Variants in FAM167A observed in about 807,000 individuals in gnomAD.
FAM167A encodes protein FAM167A.
In FAM167A, 23 loss-of-function variants were observed where a neutral mutation model predicts 14.9. That is an observed-to-expected ratio of 1.55 (90% CI 1.11 to 2.19). The LOEUF (loss-of-function observed/expected upper bound fraction) is 2.19. Among genes scored for constraint, FAM167A ranks in the 30% most tolerant of loss-of-function variants. FAM167A has a pLI of 0.00. For missense variants in FAM167A, 401 were observed against 281.5 expected (o/e 1.42, Z -3.04); for synonymous variants, 174 against 117.7 (o/e 1.48, Z -3.10).
At chr8:11,430,700 C>G (rs1381921652) in intron 2 of FAM167A, among the ~76,000 whole-genome samples, 1 of 152,064 alleles carries the variant, frequency 6.6e-6, no homozygotes, top group Non-Finnish European at 1.5e-5. Flanking sequence ...TTAAATGGGT[C>G]TGGAAGAGGA....
chr8:11,444,577 G>C lies in FAM167A; in HGVS notation c.-166C>G. Reference sequence around the variant, plus strand: ...AGAGGCTGGGTGGCAGGGGAGCTGAGAGGGACCGCGCAGTGAGCCGCACAG... The same window carrying C: ...AGAGGCTGGGTGGCAGGGGAGCTGACAGGGACCGCGCAGTGAGCCGCACAG... On this transcript the variant is annotated 5_prime_UTR_variant, in exon 2 of 3. Transcript: ENST00000284486. The C allele has an allele frequency of 6.9e-7, 1 of 1,442,188 alleles. No individual in the cohort carries two copies. The allele number at this position is 1,442,188 out of a possible 1,614,324, so 89.3% of individuals were successfully genotyped here.
At chr8:11,458,579 A>C (rs1255262162) in intron 1 of FAM167A, among the ~76,000 whole-genome samples, 1 of 152,210 alleles carries the variant, frequency 6.6e-6, no homozygotes, top group Non-Finnish European at 1.5e-5. Flanking sequence ...TACTCTGGCA[A>C]TAGTGACTGG....
At chr8:11,436,571 C>T (rs530125839) in intron 2 of FAM167A, among the ~76,000 whole-genome samples, 3 of 152,330 alleles carry the variant, frequency 2.0e-5, no homozygotes, top group Admixed American at 2.0e-4. Context: ...ACAGGAGCTC[C>T]CCTGCACGGC....
chr8:11,457,144 T>C (rs1235084389), intron 1 of FAM167A, among the ~76,000 whole-genome samples: 1 of 136,374 alleles, frequency 7.3e-6, no homozygotes, highest in African/African-American at 2.8e-5. Flanking sequence ...GGGTTAGGGG[T>C]GTGGGTGGGA....
upstream of FAM167A, among the ~76,000 whole-genome samples, chr8:11,467,351 T>A (rs886836650): frequency 6.6e-6 from 1 of 152,248 alleles, no homozygotes; most frequent in Non-Finnish European, 1.5e-5. Flanking sequence ...TAAGACCCAG[T>A]CCCTGCTGCA....
intron 1 of FAM167A, among the ~76,000 whole-genome samples, chr8:11,474,004 G>A (rs1797791291): frequency 6.6e-6 from 1 of 152,094 alleles, no homozygotes; most frequent in African/African-American, 2.4e-5. Context: ...ATCCTGAGTA[G>A]CTGGGATTAC....
chr8:11,455,444 G>A lies in FAM167A; in HGVS notation c.-397-10636C>T, dbSNP rs1458440276. ...CTGCTGGGTGTGTGTGAGTGTGGGG[G>A]GTGGCTGCTCTGCTGGGTATGTGTG... On this transcript the variant is annotated intron_variant, in intron 1 of 2. Transcript: ENST00000284486. 2.2e-5 allele frequency among the ~76,000 whole-genome samples: 3 copies of A among 134,006 alleles called. No individual in the cohort carries two copies. The South Asian group carries it at 7.6e-4, about 34-fold the overall frequency. The allele number at this position is 134,006 out of a possible 152,430, so 87.9% of individuals were successfully genotyped here.
At chr8:11,435,197 C>T (rs1805924114) in intron 2 of FAM167A, 3 of 450,560 alleles carry the variant, frequency 6.7e-6, no homozygotes, top group Admixed American at 2.4e-5. Context: ...GAGGTTCTGT[C>T]CCCTCCCCTG....
chr8:11,443,939 G>A (rs1401658909), intron 2 of FAM167A, 92 bp downstream of exon 2: 12 of 1,422,754 alleles, frequency 8.4e-6, no homozygotes, highest in Non-Finnish European at 1.1e-5. Flanking sequence ...TACATGGTGG[G>A]GGTGGGGAGA....
intron 2 of FAM167A, among the ~76,000 whole-genome samples, chr8:11,433,204 TAAAAAAA>T (rs34636796): frequency 6.7e-6 from 1 of 150,346 alleles, no homozygotes; most frequent in African/African-American, 2.5e-5. Context: ...TAAAGTATGA[TAAAAAAA>T]AATAAAAAAT....
At chr8:11,425,580 G>C (rs1805078357) in intron 2 of FAM167A, among the ~76,000 whole-genome samples, 1 of 152,120 alleles carries the variant, frequency 6.6e-6, no homozygotes, top group East Asian at 1.9e-4. Flanking sequence ...GACTGAACAA[G>C]CCCGCTCTTC....
chr8:11,471,686 G>C (rs551913326), upstream of FAM167A, among the ~76,000 whole-genome samples: 2 of 152,330 alleles, frequency 1.3e-5, no homozygotes, highest in African/African-American at 4.8e-5. Context: ...CTGGGTTTTA[G>C]AGAACCCTGC....
chr8:11,442,639 G>A (rs969380699), intron 2 of FAM167A, among the ~76,000 whole-genome samples: 1 of 149,452 alleles, frequency 6.7e-6, no homozygotes, highest in Admixed American at 6.6e-5. Flanking sequence ...AAGAGCAGCT[G>A]GGGGCTGTGC....
At chr8:11,430,939 T>C (rs892857049) in intron 2 of FAM167A, among the ~76,000 whole-genome samples, 7 of 152,160 alleles carry the variant, frequency 4.6e-5, no homozygotes, top group Non-Finnish European at 1.0e-4. Context: ...AAGAGCTGAC[T>C]CCTACCCTCG....
At chr8:11,458,426 T>C (rs1331294963) in intron 1 of FAM167A, among the ~76,000 whole-genome samples, 1 of 152,190 alleles carries the variant, frequency 6.6e-6, no homozygotes, top group African/African-American at 2.4e-5. Context: ...AACAGATCTA[T>C]CTTTTTCCAG....
At chr8:11,461,281 G>A (rs191587369) in intron 1 of FAM167A, among the ~76,000 whole-genome samples, 12 of 152,366 alleles carry the variant, frequency 7.9e-5, no homozygotes, top group Non-Finnish European at 1.5e-4. Flanking sequence ...ACAGTTTGGA[G>A]GAGATGGGGA....
rs773953753 is a variant in FAM167A at position 11,424,648 on chromosome 8, G to A, written c.382-12C>T. 3.1e-6 allele frequency: 5 copies of A among 1,612,526 alleles called. No individual in the cohort carries two copies. The highest frequency in any genetic ancestry group is 3.4e-6 in the Non-Finnish European group (4 of 1,179,494). Reference sequence around the variant, plus strand: ...AGCCGCATCTCCGTCTGGAAGGGAGGGGGAGCAGGCAGGGTCAGCAGAGAG... The same window carrying A: ...AGCCGCATCTCCGTCTGGAAGGGAGAGGGAGCAGGCAGGGTCAGCAGAGAG... On this transcript the variant is annotated splice_polypyrimidine_tract_variant and intron_variant, in intron 2 of 2. Transcript: ENST00000284486.
intron 2 of FAM167A, among the ~76,000 whole-genome samples, chr8:11,431,317 C>T (rs888949076): frequency 6.6e-6 from 1 of 152,220 alleles, no homozygotes; most frequent in Non-Finnish European, 1.5e-5. Context: ...TAGGATTCCA[C>T]TTAGAAGAGG....
intron 1 of FAM167A, among the ~76,000 whole-genome samples, chr8:11,448,775 C>A (rs1428010293): frequency 2.0e-5 from 3 of 152,216 alleles, no homozygotes; most frequent in Admixed American, 6.5e-5. Context: ...AGAGACTCCA[C>A]CCTGTGCTCT....
Sources: allele counts gnomAD v4.1 joint callset (sites outside exome capture counted in the v4.1 genomes callset), GRCh38; gene constraint gnomAD v4.1.1; transcripts MANE v1.5; gene names NCBI Gene and HGNC (gene_info 2026-07-23, HGNC 2026-07-21).